The following SLFN13 variants were observed in gnomAD, a reference collection of about 807,000 sequenced individuals.
SLFN13 encodes schlafen-13.
Under a neutral mutation model 50.6 loss-of-function variants are expected in SLFN13, and 43 were observed. The ratio of observed to expected loss-of-function variants is 0.85; its 90% confidence interval spans 0.67 to 1.09. The LOEUF is 1.09. Among genes scored for constraint, SLFN13 ranks in the 50% least tolerant of loss-of-function variants. SLFN13 has a pLI of 0.00. For synonymous variants in SLFN13, 339 were observed against 386.5 expected (o/e 0.88, Z 1.44); for missense variants, 881 against 1,071.1 (o/e 0.82, Z 2.48).
At position 35,445,628 on chromosome 17, in the gene SLFN13, A is replaced by C; in HGVS notation, c.53T>G (p.Val18Gly). The change falls in exon 3 of 6, where the codon GTC becomes GGC. Residue 18 changes from valine to glycine, a missense_variant. By Grantham distance (109) the Val-to-Gly change is moderately radical. Around this residue, in one of 5 missense-constraint regions of SLFN13, gnomAD observed 497 missense variants for 518.3 expected, o/e 0.96. Coordinates refer to ENST00000285013, the MANE Select transcript of SLFN13 (RefSeq NM_144682.6). ...CAGAGTCACTTCTCCGACATCGATGACCAGGTCTGGGTAAGATGGATACAC... is the reference window on the plus strand; with the variant it reads ...CAGAGTCACTTCTCCGACATCGATGCCCAGGTCTGGGTAAGATGGATACAC... ...LGVYPSYPDLVIDVGEVTLGE... is the reference protein window; with the variant it reads ...LGVYPSYPDLGIDVGEVTLGE... 2 of 1,614,100 alleles carry C rather than the reference A, an allele frequency of 1.2e-6. No individual in the cohort carries two copies. Among genetic ancestry groups the C allele is most frequent in the Non-Finnish European group, 1.7e-6 (2 of 1,179,996 alleles).
In SLFN13 at chr17:35,445,317, A is replaced by G; in HGVS notation, c.364T>C (p.Ser122Pro). 1.2e-6 allele frequency: 2 copies of G among 1,613,882 alleles called. No homozygotes were observed. The highest frequency in any genetic ancestry group is 1.7e-6 in the Non-Finnish European group (2 of 1,179,968). Reference protein sequence around the residue: ...WSGDPFLKDGSFNSRICSLSS... With the variant: ...WSGDPFLKDGPFNSRICSLSS... ...AGGCTGCAAATGCGGGAATTGAAAG[A>G]ACCATCTTTAAGGAAAGGATCACCA... Residue 122 changes from serine (S) to proline (P), a missense_variant, in exon 3 of 6, where the codon TCT (serine) becomes CCT (proline). By Grantham distance (74) the Ser-to-Pro change is moderately conservative. Coordinates refer to ENST00000285013, the MANE Select transcript of SLFN13 (RefSeq NM_144682.6).
chr17:35,440,878 T>C lies in SLFN13; in HGVS notation c.2411A>G (p.Tyr804Cys), dbSNP rs369932734. 1.2e-5 allele frequency: 19 copies of C among 1,614,030 alleles called. 1 individual carries two copies. Among genetic ancestry groups the C allele is most frequent in the Admixed American group, 1.0e-4 (6 of 60,012 alleles). ...DTCRCFFERGYSPKDVAVLVS... is the reference protein window; with the variant it reads ...DTCRCFFERGCSPKDVAVLVS... ...AAGCACAGCAACATCCTTTGGAGAA[T>C]AGCCCCTTTCAAAGAAGCACCTGCA... Residue 804 changes from tyrosine (Y) to cysteine (C), a missense_variant, in exon 6 of 6, where the codon TAT (tyrosine) becomes TGT (cysteine). Physicochemically the swap from Tyr to Cys is radical, Grantham distance 194 (BLOSUM62 -2). Around this residue, in one of 5 missense-constraint regions of SLFN13, gnomAD observed 322 missense variants for 327.4 expected, o/e 0.98. Transcript: ENST00000285013.
chr17:35,442,323 G>A (rs1371519590), intron 4 of SLFN13, 37 bp from the exon 5 acceptor site: 1 of 1,520,150 alleles, frequency 6.6e-7, no homozygotes, highest in Non-Finnish European at 8.8e-7. Context: ...TTTTCACTGT[G>A]TTTATGTGAT....
chr17:35,443,883 C>T lies in SLFN13; in HGVS notation c.1104G>A (p.Gln368=), dbSNP rs768943805. 1.2e-6 allele frequency: 2 copies of T among 1,613,832 alleles called. No individual in the cohort carries two copies. Among genetic ancestry groups the T allele is most frequent in the Non-Finnish European group, 1.7e-6 (2 of 1,179,780 alleles). The part of the protein sequence containing the change: ...PPDFAEAFES[Q]LSLSDSPSLC... ...GTGAAGGACTGTCAGATAGACTCAA[C>T]TGAGACTCAAAGGCCTCAGCAAAGT... The change falls in exon 4 of 6, where the codon CAG becomes CAA. Residue 368 remains glutamine, a synonymous_variant. Coordinates refer to ENST00000285013, the MANE Select transcript of SLFN13 (RefSeq NM_144682.6).
rs1335031019 is a variant in SLFN13, at chr17:35,440,153, C to G, written c.*442G>C. On this transcript the variant is annotated 3_prime_UTR_variant, in exon 6 of 6. Coordinates refer to ENST00000285013, the MANE Select transcript of SLFN13 (RefSeq NM_144682.6). ...TCTCCTATGGCCTGTAAGCTCCTAA[C>G]AGACCATGCTTCTGCAGAAAACAAT... 7 of 167,876 alleles carry G rather than the reference C, an allele frequency of 4.2e-5. No homozygotes were observed. The highest frequency in any genetic ancestry group is 1.4e-4 in the African/African-American group (6 of 41,674). The allele number at this position is 167,876 out of a possible 1,614,324, so 10.4% of individuals were successfully genotyped here.
In SLFN13 at chr17:35,441,106, G is replaced by C. The variant is rs1321546435; in HGVS notation, c.2183C>G (p.Thr728Ser). The C allele has an allele frequency of 6.2e-7, 1 of 1,614,018 alleles. No individual in the cohort carries two copies. Among genetic ancestry groups the C allele is most frequent in the African/African-American group, 1.3e-5 (1 of 75,020 alleles). The change falls in exon 6 of 6, where the codon ACC (threonine) becomes AGC (serine). Residue 728 changes from threonine to serine, a missense_variant. Physicochemically the swap from Thr to Ser is moderately conservative, Grantham distance 58 (BLOSUM62 1). Around this residue, in one of 5 missense-constraint regions of SLFN13, gnomAD observed 322 missense variants for 327.4 expected, o/e 0.98. Coordinates refer to ENST00000285013, the MANE Select transcript of SLFN13 (RefSeq NM_144682.6). Reference sequence around the variant, plus strand: ...TTCATCTGCATTGCGAACTACTCTGGTGAGCTCTTCTCTTGGATACTGTGC... The same window carrying C: ...TTCATCTGCATTGCGAACTACTCTGCTGAGCTCTTCTCTTGGATACTGTGC... Reference protein sequence around the residue: ...LSAQYPREELTRVVRNADEIA... With the variant: ...LSAQYPREELSRVVRNADEIA...
rs146777094 is a variant in SLFN13 at position 35,441,074 on chromosome 17, C to G, written c.2215G>C (p.Glu739Gln). ...RVVRNADEIA[E>Q]YIQQEMQLII... ...AGTTGCATTTCTTGTTGTATGTACT[C>G]GGCTATTTCATCTGCATTGCGAACT... The change falls in exon 6 of 6, where the codon GAG becomes CAG. Residue 739 changes from glutamate (E) to glutamine (Q), a missense_variant. Physicochemically the swap from Glu to Gln is conservative, Grantham distance 29. Coordinates refer to ENST00000285013, the MANE Select transcript of SLFN13 (RefSeq NM_144682.6). 3 of 1,613,878 alleles carry G rather than the reference C, an allele frequency of 1.9e-6. No individual in the cohort carries two copies. Among genetic ancestry groups the G allele is most frequent in the Non-Finnish European group, 2.5e-6 (3 of 1,180,002 alleles).
Position 35,438,200 on chromosome 17 carries a change from TCTC to T in SLFN13, c.*2392_*2394del, listed in dbSNP as rs1221623643. ...ATCATGGAGTTGCTGGCCTCAGTCT[TCTC>T]CTTTTCCTCCATTTAATCATTTATT... On this transcript the variant is annotated 3_prime_UTR_variant, in exon 6 of 6. Transcript: ENST00000285013. 6 of 152,044 alleles carry T rather than the reference TCTC, an allele frequency of 3.9e-5. No homozygotes were observed. Among genetic ancestry groups the T allele is most frequent in the African/African-American group, 1.4e-4 (6 of 41,448 alleles). 9.4% of individuals were successfully genotyped at this position (152,044 alleles called of 1,614,324 possible).
Position 35,445,032 on chromosome 17 carries a change from A to T in SLFN13, c.649T>A (p.Phe217Ile), listed in dbSNP as rs1355310984. 1 of 1,614,106 alleles carries T rather than the reference A, an allele frequency of 6.2e-7. No individual in the cohort carries two copies. The highest frequency in any genetic ancestry group is 1.1e-5 in the South Asian group (1 of 91,080). Residue 217 changes from phenylalanine (F) to isoleucine (I), a missense_variant, in exon 3 of 6, where the codon TTC becomes ATC. By Grantham distance (21) the Phe-to-Ile change is conservative. This residue lies in a region of SLFN13 where 497 missense variants were observed against 518.3 expected (regional missense o/e 0.96). Transcript: ENST00000285013. ...PESPSIEFKQ[F>I]STKHIQQYVE... ...TATTGTTGGATATGTTTTGTAGAGA[A>T]CTGTTTAAACTCTATGGATGGAGAC...
chr17:35,447,778 G>A (rs1362471654), intron 1 of SLFN13, among the ~76,000 whole-genome samples: 5 of 152,160 alleles, frequency 3.3e-5, no homozygotes, highest in Admixed American at 6.5e-5. Context: ...GACGTTGGGA[G>A]GGAGACATTT....
Position 35,439,903 on chromosome 17 carries a change from CTA to C in SLFN13, c.*690_*691del, listed in dbSNP as rs1006995013. ...CTGAAAGCCAGCATTTTCTCTTGGC[CTA>C]TAATTTCTCTGTAAAGGTACCATTA... is the stretch of plus-strand genomic sequence containing the variant. On this transcript the variant is annotated 3_prime_UTR_variant, in exon 6 of 6. Transcript: ENST00000285013. 4 of 152,140 alleles carry C rather than the reference CTA, an allele frequency of 2.6e-5. No homozygotes were observed. Among genetic ancestry groups the C allele is most frequent in the Non-Finnish European group, 4.4e-5 (3 of 68,032 alleles). The allele number at this position is 152,140 out of a possible 1,614,324, so 9.4% of individuals were successfully genotyped here.
chr17:35,445,481 T>C lies in SLFN13; in HGVS notation c.200A>G (p.Asn67Ser), dbSNP rs767114841. ...CATCTCTGTGGGACGCTCATCCCTG[T>C]TGGCCATTTCCATCTGAATCACTCC... Reference protein sequence around the residue: ...GGGVIQMEMANRDERPTEMGL... With the variant: ...GGGVIQMEMASRDERPTEMGL... Residue 67 changes from asparagine (N) to serine (S), a missense_variant, in exon 3 of 6, where the codon AAC becomes AGC. Asn to Ser is a conservative substitution (Grantham distance 46). Transcript: ENST00000285013. 2 of 1,614,232 alleles carry C rather than the reference T, an allele frequency of 1.2e-6. No homozygotes were observed. The highest frequency in any genetic ancestry group is 1.1e-5 in the South Asian group (1 of 91,084).
In SLFN13 at chr17:35,441,335, C is replaced by T. The variant is rs3744371; in HGVS notation, c.1954G>A (p.Glu652Lys). 0.54 allele frequency: 870,193 copies of T among 1,606,994 alleles called. 242,706 individuals are homozygous for T. Among genetic ancestry groups the T allele is most frequent in the African/African-American group, 0.81 (60,360 of 74,074 alleles). The change falls in exon 6 of 6, where the codon GAA (glutamate) becomes AAA (lysine). Residue 652 changes from glutamate to lysine, a missense_variant. This residue lies in a region of SLFN13 where 322 missense variants were observed against 327.4 expected (regional missense o/e 0.98). Transcript: ENST00000285013. ...TCAAATTTTTCTCTTAGGAAAGTTTCCCGGGTCTCTGCTCGGCAGATATTT... is the reference window on the plus strand; with the variant it reads ...TCAAATTTTTCTCTTAGGAAAGTTTTCCGGGTCTCTGCTCGGCAGATATTT... ...DRNICRAETR[E>K]TFLREKFEHI...
At chr17:35,442,682 A>G (rs1169944402) in intron 4 of SLFN13, among the ~76,000 whole-genome samples, 1 of 152,106 alleles carries the variant, frequency 6.6e-6, no homozygotes, top group Non-Finnish European at 1.5e-5. Context: ...TGACCTCATG[A>G]TCTGCCCGCC....
chr17:35,441,015 A>G lies in SLFN13; in HGVS notation c.2274T>C (p.His758=). ...IIENPPINIP[H]GYLAILSEAK... is the part of the protein sequence containing the mutation. ...CTTCACTGAGAATTGCCAGATACCCATGGGGGATATTAATTGGAGGATTTT... is the reference window on the plus strand; with the variant it reads ...CTTCACTGAGAATTGCCAGATACCCGTGGGGGATATTAATTGGAGGATTTT... The change falls in exon 6 of 6, where the codon CAT becomes CAC. Residue 758 remains histidine (H), a synonymous_variant. Transcript: ENST00000285013. 1 of 1,612,956 alleles carries G rather than the reference A, an allele frequency of 6.2e-7. No homozygotes were observed. The highest frequency in any genetic ancestry group is 8.5e-7 in the Non-Finnish European group (1 of 1,180,006).
At chr17:35,448,301 C>A (rs1275488111) in intron 1 of SLFN13, 2 of 152,304 alleles carry the variant, frequency 1.3e-5, no homozygotes. Context: ...CTCCAGGACG[C>A]ACTTGGCTCT....
chr17:35,443,533 G>A (rs560879833), intron 4 of SLFN13, among the ~76,000 whole-genome samples: 16 of 152,228 alleles, frequency 1.1e-4, no homozygotes, highest in African/African-American at 1.4e-4. Flanking sequence ...GAAATTAAGC[G>A]TTCATAAGTT....
Position 35,440,623 on chromosome 17 carries a change from G to T in SLFN13, c.2666C>A (p.Ala889Glu), listed in dbSNP as rs1179388514. The change falls in exon 6 of 6, where the codon GCA becomes GAA. Residue 889 changes from alanine to glutamate, a missense_variant. Physicochemically the swap from Ala to Glu is moderately radical, Grantham distance 107. Around this residue, in one of 5 missense-constraint regions of SLFN13, gnomAD observed 322 missense variants for 327.4 expected, o/e 0.98. Coordinates refer to ENST00000285013, the MANE Select transcript of SLFN13 (RefSeq NM_144682.6). ...CAGAAAAATATATAGGTGCTGTTTTGCCCTGGAAGCCAGACAGATCAGAAT... is the reference window on the plus strand; with the variant it reads ...CAGAAAAATATATAGGTGCTGTTTTTCCCTGGAAGCCAGACAGATCAGAAT... The part of the protein sequence containing the change: ...PNILICLASR[A>E]KQHLYIFL 4.3e-6 allele frequency: 7 copies of T among 1,614,024 alleles called. No individual in the cohort carries two copies. Among genetic ancestry groups the T allele is most frequent in the Non-Finnish European group, 5.9e-6 (7 of 1,180,030 alleles).
intron 3 of SLFN13, 63 bp downstream of exon 3, chr17:35,444,552 G>A (rs1036678283): frequency 7.1e-6 from 10 of 1,405,734 alleles, no homozygotes; most frequent in Admixed American, 4.1e-5. Flanking sequence ...AGAGAATAAA[G>A]AAGGAAGTGG....
Sources: gnomAD v4.1 joint callset for allele counts (sites outside exome capture counted in the v4.1 genomes callset) on GRCh38, gnomAD v4.1.1 for gene constraint, gnomAD v4.1.1 regional missense constraint, MANE v1.5 for transcripts, NCBI Gene and HGNC (gene_info 2026-07-23, HGNC 2026-07-21) for gene names.